MFSD6: variants seen among roughly 807,000 people sequenced by gnomAD.
MFSD6 encodes major facilitator superfamily domain-containing protein 6.
A neutral mutation model predicts 56.3 loss-of-function variants in MFSD6; 26 were observed. The ratio of observed to expected loss-of-function variants is 0.46; its 90% CI spans 0.34 to 0.64. The LOEUF is 0.64. Ranked by LOEUF, MFSD6 falls within the 30% of genes least tolerant of loss-of-function variation. MFSD6 has a pLI of 0.01. For synonymous variants in MFSD6, 331 were observed against 366.9 expected, an observed-to-expected ratio of 0.90 and a Z score of 1.12; for missense variants, 750 against 986.2, an observed-to-expected ratio of 0.76 and a Z score of 3.21.
rs953933885 is a variant in MFSD6, at chr2:190,485,366, C to T, written c.1631-3291C>T. ...GACATACACATAACAAGAGGTTTGG[C>T]GTCAGCATTAAAGTTAACCTACTAC... On this transcript the variant is annotated intron_variant, in intron 4 of 7. Transcript: ENST00000392328. This position sits in a 1 kb window ranked among gnomAD's most constrained non-coding sequence, Gnocchi z 5.1. 2.6e-5 allele frequency among the ~76,000 whole-genome samples: 4 copies of T among 152,192 alleles called. No individual in the cohort carries two copies.
intron 1 of MFSD6, chr2:190,411,465 G>C: frequency 5.1e-6 from 5 of 985,284 alleles, no homozygotes; most frequent in Non-Finnish European, 6.0e-6. Context: ...GCCGACAGTG[G>C]CTATCTTCAG....
Position 190,437,088 on chromosome 2 carries a change from G to A in MFSD6, c.1059G>A (p.Val353=), listed in dbSNP as rs367615158. Reference sequence around the variant, plus strand: ...GGATCGACTACACCCACATCGAAGTGCTCATCGATGGAAAGGGGTGTAAGC... The same window carrying A: ...GGATCGACTACACCCACATCGAAGTACTCATCGATGGAAAGGGGTGTAAGC... The part of the protein sequence containing the change: ...GIGIDYTHIE[V]LIDGKGCKPP... Residue 353 remains valine, a synonymous_variant, in exon 3 of 8, where the codon GTG becomes GTA. Coordinates refer to ENST00000392328, the MANE Select transcript of MFSD6 (RefSeq NM_017694.4). The surrounding 1 kb of genome is among the most constrained non-coding windows in gnomAD (Gnocchi z 5.9). 2.5e-6 allele frequency: 4 copies of A among 1,614,230 alleles called. No individual in the cohort carries two copies. The highest frequency in any genetic ancestry group is 3.3e-5 in the Admixed American group (2 of 60,028).
intron 2 of MFSD6, among the ~76,000 whole-genome samples, chr2:190,429,240 G>GTA (rs1685882539): frequency 6.6e-6 from 1 of 151,236 alleles, no homozygotes; most frequent in Non-Finnish European, 1.5e-5. Context: ...GTGTGTGTGT[G>GTA]TGTGTGTGTA....
rs962864053 is a variant in MFSD6, at chr2:190,413,710, T to C, written c.-175-1582T>C. ...TGAGTGGCGAGCCTGGACTGGTAGTTAGCAGTCTGTGTTGGTTATGTAGAG... is the reference window on the plus strand; with the variant it reads ...TGAGTGGCGAGCCTGGACTGGTAGTCAGCAGTCTGTGTTGGTTATGTAGAG... On this transcript the variant is annotated intron_variant, in intron 1 of 7. Transcript: ENST00000392328. The surrounding 1 kb of genome is among the most constrained non-coding windows in gnomAD (Gnocchi z 4.1). 2.6e-5 allele frequency among the ~76,000 whole-genome samples: 4 copies of C among 152,168 alleles called. No homozygotes were observed. Among genetic ancestry groups the C allele is most frequent in the African/African-American group, 9.7e-5 (4 of 41,448 alleles).
chr2:190,439,144 G>C lies in MFSD6; in HGVS notation c.1532+1583G>C, dbSNP rs899577668. 2.0e-5 allele frequency among the ~76,000 whole-genome samples: 3 copies of C among 151,866 alleles called. No individual in the cohort carries two copies. The highest frequency in any genetic ancestry group is 6.6e-5 in the Admixed American group (1 of 15,240). On this transcript the variant is annotated intron_variant, in intron 3 of 7. Transcript: ENST00000392328. This position sits in a 1 kb window ranked among gnomAD's most constrained non-coding sequence, Gnocchi z 5.8. ...CTGAGCTGTTTAAATTGACCGAGATGAATCAGATGCCTCCCTTCAGCTTGG... is the reference window on the plus strand; with the variant it reads ...CTGAGCTGTTTAAATTGACCGAGATCAATCAGATGCCTCCCTTCAGCTTGG...
At position 190,436,139 on chromosome 2, in the gene MFSD6, C is replaced by T. The variant is rs377262013; in HGVS notation, c.110C>T (p.Ser37Leu). 36 of 1,614,064 alleles carry T rather than the reference C, an allele frequency of 2.2e-5. No homozygotes were observed. The highest frequency in any genetic ancestry group is 9.9e-5 in the South Asian group (9 of 91,090). The change falls in exon 3 of 8, where the codon TCG becomes TTG. Residue 37 changes from serine (S) to leucine (L), a missense_variant. This residue lies in a region of MFSD6 where 76 missense variants were observed against 101.9 expected (regional missense o/e 0.75). Transcript: ENST00000392328. This position sits in a 1 kb window ranked among gnomAD's most constrained non-coding sequence, Gnocchi z 5.3. ...ATTTCCAGGGAACCAGAACCACCTT[C>T]GAATGAAACACCTTCCTCCACAGAA... ...NGISREPEPP[S>L]NETPSSTETS... is the part of the protein sequence containing the mutation.
At position 190,501,508 on chromosome 2, in the gene MFSD6, T is replaced by C. The variant is rs1690023633; in HGVS notation, c.*1290T>C. The C allele has an allele frequency of 6.6e-6, 1 of 152,132 alleles. No individual in the cohort carries two copies. The highest frequency in any genetic ancestry group is 1.5e-5 in the Non-Finnish European group (1 of 68,036). 9.4% of individuals were successfully genotyped at this position (152,132 alleles called of 1,614,324 possible). The stretch of plus-strand genomic sequence containing the variant: ...GGGGGGAGTGTGGAAAAGGGAAAAC[T>C]GTTTTAGCTGAATAAAGGTGAATTA... On this transcript the variant is annotated 3_prime_UTR_variant, in exon 8 of 8. Coordinates refer to ENST00000392328, the MANE Select transcript of MFSD6 (RefSeq NM_017694.4).
In MFSD6 at chr2:190,488,349, G is replaced by A. The variant is rs1574244217; in HGVS notation, c.1631-308G>A. Among the ~76,000 whole-genome samples the A allele has an allele frequency of 6.6e-6, 1 of 152,190 alleles. No homozygotes were observed. Among genetic ancestry groups the A allele is most frequent in the East Asian group, 1.9e-4 (1 of 5,198 alleles). On this transcript the variant is annotated intron_variant, in intron 4 of 7. Coordinates refer to ENST00000392328, the MANE Select transcript of MFSD6 (RefSeq NM_017694.4). This position sits in a 1 kb window ranked among gnomAD's most constrained non-coding sequence, Gnocchi z 6.4. ...GGGAGTCACATTCAAGAGACAGGAA[G>A]TAGAATGGTGGTTGTCAGGGGATGG...
intron 1 of MFSD6, chr2:190,411,101 T>C: frequency 1.0e-6 from 1 of 983,916 alleles, no homozygotes; most frequent in South Asian, 4.7e-5. Flanking sequence ...TTTATATACA[T>C]TTGTTTAAAC....
At chr2:190,452,266 C>T (rs1417072137) in intron 3 of MFSD6, among the ~76,000 whole-genome samples, 1 of 151,920 alleles carries the variant, frequency 6.6e-6, no homozygotes, top group Non-Finnish European at 1.5e-5. Flanking sequence ...AAAACAACAA[C>T]AATAACACAA....
rs1191864050 is a variant in MFSD6, at chr2:190,487,100, T to G, written c.1631-1557T>G. ...CAGTGGCTCACTAATCCCAGCACTT[T>G]GAGAGGCTGAGGCAGGTGGATCACG... On this transcript the variant is annotated intron_variant, in intron 4 of 7. Coordinates refer to ENST00000392328, the MANE Select transcript of MFSD6 (RefSeq NM_017694.4). The surrounding 1 kb of genome is among the most constrained non-coding windows in gnomAD (Gnocchi z 5.5). Among the ~76,000 whole-genome samples, 10 of 152,138 alleles carry G rather than the reference T, an allele frequency of 6.6e-5. No homozygotes were observed. Among genetic ancestry groups the G allele is most frequent in the Non-Finnish European group, 1.5e-4 (10 of 68,042 alleles).
intron 2 of MFSD6, among the ~76,000 whole-genome samples, chr2:190,419,906 G>A (rs1019917828): frequency 2.0e-5 from 3 of 152,136 alleles, no homozygotes; most frequent in African/African-American, 7.2e-5. Flanking sequence ...ACTGTGCCAG[G>A]TGAGAAGACT....
Position 190,421,929 on chromosome 2 carries a change from AC to A in MFSD6, c.-54+6518del, listed in dbSNP as rs376993798. Among the ~76,000 whole-genome samples, 9 of 152,182 alleles carry A rather than the reference AC, an allele frequency of 5.9e-5. No individual in the cohort carries two copies. In the East Asian group the frequency reaches 1.5e-3, roughly 26 times the overall value. ...CTAGTGTCTTCCCACTATAGAAGAA[AC>A]CAAGTTAACTCTCTCTTCTGCTCCT... is the stretch of plus-strand genomic sequence containing the variant. On this transcript the variant is annotated intron_variant, in intron 2 of 7. Coordinates refer to ENST00000392328, the MANE Select transcript of MFSD6 (RefSeq NM_017694.4).
At position 190,496,658 on chromosome 2, in the gene MFSD6, A is replaced by T. The variant is rs1455162515; in HGVS notation, c.1892-781A>T. 6.6e-6 allele frequency among the ~76,000 whole-genome samples: 1 copy of T among 151,794 alleles called. No homozygotes were observed. Among genetic ancestry groups the T allele is most frequent in the Non-Finnish European group, 1.5e-5 (1 of 67,992 alleles). On this transcript the variant is annotated intron_variant, in intron 6 of 7. Coordinates refer to ENST00000392328, the MANE Select transcript of MFSD6 (RefSeq NM_017694.4). The surrounding 1 kb of genome is among the most constrained non-coding windows in gnomAD (Gnocchi z 4.7). ...TGTGTATATATATGTATATGTGTAT[A>T]TGTGTGTGTATGTGTGTGTGTATAT...
chr2:190,435,910 G>C, intron 2 of MFSD6, 67 bp from the exon 3 acceptor site: 2 of 1,301,704 alleles, frequency 1.5e-6, no homozygotes, highest in East Asian at 4.7e-5. Flanking sequence ...TTTCCTGCAA[G>C]ATGAAGTTCT....
In MFSD6 at chr2:190,491,353, A is replaced by G. The variant is rs1689341479; in HGVS notation, c.1891+1487A>G. The stretch of plus-strand genomic sequence containing the variant: ...CTTTTGCTCCAGAACTACTGCAGGA[A>G]TATACCAGGAAAGCTGAGAGAATAC... On this transcript the variant is annotated intron_variant, in intron 6 of 7. Coordinates refer to ENST00000392328, the MANE Select transcript of MFSD6 (RefSeq NM_017694.4). This position sits in a 1 kb window ranked among gnomAD's most constrained non-coding sequence, Gnocchi z 4.2. Among the ~76,000 whole-genome samples, 1 of 152,196 alleles carries G rather than the reference A, an allele frequency of 6.6e-6. No homozygotes were observed. The highest frequency in any genetic ancestry group is 2.4e-5 in the African/African-American group (1 of 41,456).
chr2:190,497,411 A>C lies in MFSD6; in HGVS notation c.1892-28A>C. 6.3e-7 allele frequency: 1 copy of C among 1,599,684 alleles called. No homozygotes were observed. The highest frequency in any genetic ancestry group is 8.5e-7 in the Non-Finnish European group (1 of 1,172,316). On this transcript the variant is annotated intron_variant, in intron 6 of 7. Transcript: ENST00000392328. The surrounding 1 kb of genome is among the most constrained non-coding windows in gnomAD (Gnocchi z 5.2). ...TCAAATATGTAGAAAATGCTGAAAA[A>C]ATAGTTTAAACATTCTTTTCTCTCC... is the stretch of plus-strand genomic sequence containing the variant.
At position 190,475,168 on chromosome 2, in the gene MFSD6, C is replaced by T. The variant is rs1451477224; in HGVS notation, c.1630+5313C>T. On this transcript the variant is annotated intron_variant, in intron 4 of 7. Coordinates refer to ENST00000392328, the MANE Select transcript of MFSD6 (RefSeq NM_017694.4). ...GAAAACTGACACAAGACAGGGATGCCCTCTCTCACCACTCCTATTCAACAT... is the reference window on the plus strand; with the variant it reads ...GAAAACTGACACAAGACAGGGATGCTCTCTCTCACCACTCCTATTCAACAT... Among the ~76,000 whole-genome samples the T allele has an allele frequency of 3.3e-5, 5 of 152,172 alleles. No homozygotes were observed. In the South Asian group the frequency reaches 8.3e-4, roughly 25 times the overall value.
rs540752552 is a variant in MFSD6 at position 190,412,565 on chromosome 2, G to A, written c.-175-2727G>A. 1.9e-5 allele frequency: 19 copies of A among 985,368 alleles called. No individual in the cohort carries two copies. In the East Asian group the frequency reaches 1.9e-3, roughly 100 times the overall value. The allele number at this position is 985,368 out of a possible 1,614,324, so 61.0% of individuals were successfully genotyped here. On this transcript the variant is annotated intron_variant, in intron 1 of 7. Coordinates refer to ENST00000392328, the MANE Select transcript of MFSD6 (RefSeq NM_017694.4). This position sits in a 1 kb window ranked among gnomAD's most constrained non-coding sequence, Gnocchi z 4.1. ...ATAGCATTTTTGATTCCTGGGAAAA[G>A]CAAACAAACACATCTGATGTCAATT...
Sources: gnomAD v4.1 joint callset for allele counts (sites outside exome capture counted in the v4.1 genomes callset) on GRCh38, gnomAD v4.1.1 for gene constraint, gnomAD v4.1.1 regional missense constraint, Gnocchi (gnomAD v3.1) non-coding constraint, MANE v1.5 for transcripts, NCBI Gene and HGNC (gene_info 2026-07-23, HGNC 2026-07-21) for gene names.